Variants in RIT2 observed in about 807,000 individuals in gnomAD.
RIT2 encodes Ras like without CAAX 2, also known as GTP-binding protein Rit2.
A neutral mutation model predicts 23.7 loss-of-function variants in RIT2; 24 were observed. The observed-to-expected ratio is 1.01, with a 90% confidence interval of 0.73 to 1.43. RIT2 has a LOEUF of 1.43. RIT2 is among the 40% of genes most tolerant of loss of function. RIT2 has a pLI of 0.00. For synonymous variants in RIT2, 107 were observed against 91.1 expected, an observed-to-expected ratio of 1.17 and a Z score of -0.99; for missense variants, 236 against 266.9, an observed-to-expected ratio of 0.88 and a Z score of 0.81.
intron 4 of RIT2, among the ~76,000 whole-genome samples, chr18:42,883,825 TCTAA>T (rs1907954339): frequency 1.3e-5 from 2 of 152,118 alleles, no homozygotes; most frequent in African/African-American, 4.8e-5. Flanking sequence ...AGATGATGAG[TCTAA>T]CTATTATTAT....
chr18:42,970,894 A>G (rs546831828), intron 3 of RIT2, among the ~76,000 whole-genome samples: 1 of 151,848 alleles, frequency 6.6e-6, no homozygotes, highest in Non-Finnish European at 1.5e-5. Context: ...TCTATTGTTA[A>G]TGTCTCTGTC....
intron 2 of RIT2, among the ~76,000 whole-genome samples, chr18:43,011,192 G>C (rs1911342511): frequency 6.6e-6 from 1 of 151,770 alleles, no homozygotes; most frequent in Non-Finnish European, 1.5e-5. Flanking sequence ...CGAGAATCCA[G>C]ATCCAGTGTG....
intron 4 of RIT2, among the ~76,000 whole-genome samples, chr18:42,892,761 C>T (rs919791643): frequency 6.6e-6 from 1 of 152,144 alleles, no homozygotes; most frequent in Non-Finnish European, 1.5e-5. Context: ...TTACTGAAAT[C>T]CTGGTGTCTT....
chr18:42,945,044 T>G (rs1490317088), intron 3 of RIT2, among the ~76,000 whole-genome samples: 1 of 152,092 alleles, frequency 6.6e-6, no homozygotes, highest in Non-Finnish European at 1.5e-5. Context: ...ACATTAGTTT[T>G]TGATTTACAT....
chr18:42,847,244 A>G (rs1454191475), intron 4 of RIT2, among the ~76,000 whole-genome samples: 1 of 152,150 alleles, frequency 6.6e-6, no homozygotes, highest in African/African-American at 2.4e-5. Context: ...GCCTTAGAGA[A>G]GCAACTTATT....
At chr18:42,779,976 T>C (rs560264173) in intron 4 of RIT2, among the ~76,000 whole-genome samples, 1 of 151,102 alleles carries the variant, frequency 6.6e-6, no homozygotes, top group African/African-American at 2.4e-5. Flanking sequence ...AACTATGATA[T>C]GATAGTTATA....
intron 4 of RIT2, among the ~76,000 whole-genome samples, chr18:42,846,051 G>C (rs947432531): frequency 2.0e-5 from 3 of 151,806 alleles, no homozygotes; most frequent in African/African-American, 7.2e-5. Flanking sequence ...ACATACATAA[G>C]AGCAGGAATT....
chr18:42,869,546 C>T (rs1357675879), intron 4 of RIT2, among the ~76,000 whole-genome samples: 3 of 152,198 alleles, frequency 2.0e-5, no homozygotes, highest in Non-Finnish European at 4.4e-5. Context: ...ATGGTCTTGC[C>T]TTTATCATCT....
chr18:42,828,342 C>A (rs1213093376), intron 4 of RIT2, among the ~76,000 whole-genome samples: 2 of 152,194 alleles, frequency 1.3e-5, no homozygotes, highest in African/African-American at 4.8e-5. Flanking sequence ...TAGAATATTT[C>A]ATTGTGTCCA....
intron 3 of RIT2, among the ~76,000 whole-genome samples, chr18:42,954,594 C>T (rs573161814): frequency 5.3e-5 from 8 of 151,892 alleles, no homozygotes; most frequent in African/African-American, 1.2e-4. Context: ...TAGACTTGAT[C>T]GGATTTTAGT....
intron 2 of RIT2, among the ~76,000 whole-genome samples, chr18:43,015,190 C>T (rs953849119): frequency 1.3e-5 from 2 of 151,576 alleles, no homozygotes; most frequent in South Asian, 4.2e-4. Flanking sequence ...TGAGCTATAG[C>T]AGTCATGAGA....
At chr18:42,939,402 C>T (rs565633764) in intron 3 of RIT2, among the ~76,000 whole-genome samples, 1 of 152,260 alleles carries the variant, frequency 6.6e-6, no homozygotes, top group South Asian at 2.1e-4. Context: ...CCAAGACTAC[C>T]TGGGCATAGT....
At chr18:42,806,923 C>A (rs1031586029) in intron 4 of RIT2, among the ~76,000 whole-genome samples, 1 of 152,028 alleles carries the variant, frequency 6.6e-6, no homozygotes, top group Admixed American at 6.5e-5. Flanking sequence ...TCTAGGCTAG[C>A]GGGTTAAAAG....
chr18:42,910,894 A>G (rs1908753030), intron 4 of RIT2, among the ~76,000 whole-genome samples: 1 of 152,182 alleles, frequency 6.6e-6, no homozygotes, highest in Non-Finnish European at 1.5e-5. Flanking sequence ...TTAACAATTG[A>G]TAGAAATCAG....
chr18:42,923,952 T>C (rs1394626148), intron 3 of RIT2, among the ~76,000 whole-genome samples, 189 bp from the exon 4 acceptor site: 1 of 152,054 alleles, frequency 6.6e-6, no homozygotes, highest in Non-Finnish European at 1.5e-5. Context: ...TATAGACTCT[T>C]AGGGATTATA....
chr18:42,776,639 A>C (rs866856972), intron 4 of RIT2, among the ~76,000 whole-genome samples: 1 of 152,208 alleles, frequency 6.6e-6, no homozygotes, highest in Admixed American at 6.5e-5. Context: ...TAATACTAGT[A>C]TCATGTCCAT....
intron 1 of RIT2, among the ~76,000 whole-genome samples, chr18:43,077,102 C>CAAAAAAGAAA (rs755511835): frequency 0.07 from 5,636 of 80,052 alleles, 377 homozygotes; most frequent in East Asian, 0.33. Flanking sequence ...GACTCCGTCT[C>CAAAAAAGAAA]AAAAAAAAAA....
At chr18:43,014,757 A>G (rs1290783206) in intron 2 of RIT2, among the ~76,000 whole-genome samples, 1 of 151,736 alleles carries the variant, frequency 6.6e-6, no homozygotes, top group African/African-American at 2.4e-5. Context: ...CAAATATGCC[A>G]GTAATTTTTA....
intron 4 of RIT2, among the ~76,000 whole-genome samples, chr18:42,774,492 G>A (rs528553336): frequency 9.0e-4 from 136 of 151,796 alleles, no homozygotes; most frequent in Middle Eastern, 3.4e-3. Flanking sequence ...TAAAAAAAAA[G>A]AAAAGGTAAA....
Sources: gnomAD v4.1 joint callset for allele counts (sites outside exome capture counted in the v4.1 genomes callset) on GRCh38, gnomAD v4.1.1 for gene constraint, MANE v1.5 for transcripts, NCBI Gene and HGNC (gene_info 2026-07-23, HGNC 2026-07-21) for gene names.